The following DOCK8 variants were observed in gnomAD, a reference collection of about 807,000 sequenced individuals.
DOCK8 encodes the protein dedicator of cytokinesis protein 8.
In DOCK8, 141 loss-of-function variants were observed where a neutral mutation model predicts 245.6. The observed-to-expected ratio is 0.57, with a 90% CI of 0.50 to 0.66. DOCK8 has a LOEUF of 0.66. Ranked by LOEUF, DOCK8 falls within the 30% of genes least tolerant of loss-of-function variation. The probability of loss-of-function intolerance (pLI) is 0.00; values close to 1 mark genes in which losing one functional copy is unlikely to be tolerated. For missense variants in DOCK8, 2,965 were observed against 2,603.4 expected (o/e 1.14, Z -3.02); for synonymous variants, 1,168 against 970.2 (o/e 1.20, Z -3.79).
intron 16 of DOCK8, among the ~76,000 whole-genome samples, 153 bp from the exon 17 acceptor site, chr9:371,275 C>A (rs1374541333): frequency 6.6e-6 from 1 of 152,086 alleles, no homozygotes; most frequent in Non-Finnish European, 1.5e-5. Context: ...TAAGCTTGGT[C>A]TCAGGGACTT....
chr9:400,539 CCACCACCACCAGCATCTT>C (rs1446523358), intron 26 of DOCK8, among the ~76,000 whole-genome samples: 1 of 73,334 alleles, frequency 1.4e-5, no homozygotes, highest in Non-Finnish European at 2.3e-5. Context: ...ACCACCACCT[CCACCACCACCAGCATCTT>C]CACCATCACC....
chr9:340,160 C>G lies in DOCK8; in HGVS notation c.1518C>G (p.Gly506=). The change falls in exon 14 of 48, where the codon GGC becomes GGG. Residue 506 remains glycine (G), a splice_region_variant and synonymous_variant. Coordinates refer to ENST00000432829, the MANE Select transcript of DOCK8 (RefSeq NM_203447.4). ...SLQRRVKSIP[G]LLRLEISTAP... ...AACATTCCTATTTTCTCTCTTTAGGCTTGCTAAGACTGGAGATTTCTACAG... is the reference window on the plus strand; with the variant it reads ...AACATTCCTATTTTCTCTCTTTAGGGTTGCTAAGACTGGAGATTTCTACAG... 3 of 1,614,010 alleles carry G rather than the reference C, an allele frequency of 1.9e-6. No individual in the cohort carries two copies. The highest frequency in any genetic ancestry group is 1.1e-5 in the South Asian group (1 of 91,080).
At chr9:268,712 A>G (rs956706775) in intron 1 of DOCK8, among the ~76,000 whole-genome samples, 2 of 152,210 alleles carry the variant, frequency 1.3e-5, no homozygotes, top group Non-Finnish European at 2.9e-5. Context: ...TCTTATCTGT[A>G]AAAAGGTCAG....
intron 13 of DOCK8, 45 bp from the exon 14 acceptor site, chr9:340,109 TCATAA>T (rs766735680): frequency 1.9e-6 from 3 of 1,588,092 alleles, no homozygotes; most frequent in South Asian, 2.2e-5. Flanking sequence ...CTTGATTCCC[TCATAA>T]CATGACAGTT....
chr9:383,817 A>G (rs2053832154), intron 22 of DOCK8, among the ~76,000 whole-genome samples: 1 of 151,798 alleles, frequency 6.6e-6, no homozygotes, highest in Non-Finnish European at 1.5e-5. Context: ...TCCCTCTATG[A>G]ATTCTTTATT....
intron 1 of DOCK8, among the ~76,000 whole-genome samples, chr9:253,392 C>G (rs189306789): frequency 6.6e-6 from 1 of 152,136 alleles, no homozygotes; most frequent in Non-Finnish European, 1.5e-5. Context: ...GCCCATTGTA[C>G]CTACTCAAAG....
At chr9:231,221 G>A (rs1188024246) in intron 1 of DOCK8, among the ~76,000 whole-genome samples, 1 of 152,074 alleles carries the variant, frequency 6.6e-6, no homozygotes, top group Non-Finnish European at 1.5e-5. Flanking sequence ...TAGATATGTG[G>A]CATTATTTCT....
At chr9:371,680 A>G (rs1319577082) in intron 17 of DOCK8, 114 bp downstream of exon 17, 3 of 1,422,312 alleles carry the variant, frequency 2.1e-6, no homozygotes, top group Non-Finnish European at 1.9e-6. Flanking sequence ...AGAAGTAGCA[A>G]AACATGCTAA....
At chr9:368,336 T>A (rs1443761076) in intron 15 of DOCK8, 1 of 727,068 alleles carries the variant, frequency 1.4e-6, no homozygotes, top group East Asian at 2.7e-5. Flanking sequence ...CTCGGCTTAT[T>A]CTGTAGTGAG....
At chr9:410,744 G>A (rs957962248) in intron 28 of DOCK8, among the ~76,000 whole-genome samples, 6 of 152,090 alleles carry the variant, frequency 3.9e-5, no homozygotes, top group African/African-American at 1.4e-4. Context: ...ATGAAATAAA[G>A]AATAGAAAAA....
intron 14 of DOCK8, among the ~76,000 whole-genome samples, chr9:366,905 A>G (rs1213985474): frequency 2.6e-5 from 4 of 152,218 alleles, no homozygotes; most frequent in Non-Finnish European, 1.5e-5. Context: ...AGGATAGCAC[A>G]GTATGGAAAG....
rs369894503 is a variant in DOCK8 at position 404,961 on chromosome 9, G to A, written c.3278G>A (p.Arg1093Lys). The stretch of plus-strand genomic sequence containing the variant: ...AACCTTCCAACGCTCATTTCCATGA[G>A]GCTAGAGTTCCTGAGAATCCTCTGT... ...LSNLPTLISM[R>K]LEFLRILCSH... is the part of the protein sequence containing the mutation. Residue 1093 changes from arginine to lysine, a missense_variant, in exon 27 of 48, where the codon AGG becomes AAG. Around this residue, in one of 3 missense-constraint regions of DOCK8, gnomAD observed 2,825 missense variants for 2,453.5 expected, o/e 1.15. Transcript: ENST00000432829. 2.5e-6 allele frequency: 4 copies of A among 1,614,052 alleles called. No homozygotes were observed. Among genetic ancestry groups the A allele is most frequent in the Non-Finnish European group, 3.4e-6 (4 of 1,180,014 alleles).
chr9:277,778 T>C (rs2048418901), intron 2 of DOCK8, among the ~76,000 whole-genome samples: 1 of 152,112 alleles, frequency 6.6e-6, no homozygotes, highest in South Asian at 2.1e-4. Flanking sequence ...AAAAGCCACA[T>C]CCTGGATATG....
intron 1 of DOCK8, among the ~76,000 whole-genome samples, chr9:241,029 G>T (rs11788662): frequency 3.9e-5 from 6 of 152,028 alleles, no homozygotes; most frequent in Middle Eastern, 3.2e-3. Flanking sequence ...AAGGGAAAAT[G>T]ATTTGTATAA....
At chr9:278,317 G>T (rs928967536) in intron 2 of DOCK8, among the ~76,000 whole-genome samples, 1 of 152,184 alleles carries the variant, frequency 6.6e-6, no homozygotes, top group Admixed American at 6.5e-5. Flanking sequence ...ACAGAACTTC[G>T]ATATCACAGA....
intron 1 of DOCK8, among the ~76,000 whole-genome samples, chr9:251,215 C>G (rs1417332710): frequency 6.6e-6 from 1 of 152,142 alleles, no homozygotes; most frequent in African/African-American, 2.4e-5. Flanking sequence ...CAGGGCTTCA[C>G]TTTTATTGTG....
intron 46 of DOCK8, chr9:452,404 G>A (rs1313405764): frequency 2.4e-5 from 5 of 206,818 alleles, no homozygotes; most frequent in Admixed American, 1.1e-4. Context: ...ACGCTTTTGT[G>A]GCTAGCATCC....
intron 1 of DOCK8, among the ~76,000 whole-genome samples, chr9:254,974 T>G (rs1035184252): frequency 6.6e-6 from 1 of 152,192 alleles, no homozygotes; most frequent in Non-Finnish European, 1.5e-5. Context: ...AGATTCTTAT[T>G]TTTGTATGCT....
At chr9:437,923 A>G (rs934005625) in intron 39 of DOCK8, among the ~76,000 whole-genome samples, 1 of 152,242 alleles carries the variant, frequency 6.6e-6, no homozygotes, top group African/African-American at 2.4e-5. Flanking sequence ...CATAGCTTCA[A>G]ATCTGTTCCT....
Sources: allele counts gnomAD v4.1 joint callset (sites outside exome capture counted in the v4.1 genomes callset), GRCh38; gene constraint gnomAD v4.1.1; regional missense constraint gnomAD v4.1.1; transcripts MANE v1.5; gene names NCBI Gene and HGNC (gene_info 2026-07-23, HGNC 2026-07-21).